Variants in ADSS1 observed in about 807,000 individuals in gnomAD.
ADSS1 encodes adenylosuccinate synthetase isozyme 1.
In ADSS1, 57 loss-of-function variants were observed where a neutral mutation model predicts 59.1. The ratio of observed to expected loss-of-function variants is 0.97; its 90% confidence interval spans 0.78 to 1.20. The LOEUF (loss-of-function observed/expected upper bound fraction) is 1.20, where lower values mean the gene tolerates loss of function less well. ADSS1 is among the 50% of genes most tolerant of loss of function. The pLI is 0.00. For synonymous variants in ADSS1, 247 were observed against 249.4 expected (o/e 0.99, Z 0.09); for missense variants, 603 against 610.3 (o/e 0.99, Z 0.13).
intron 10 of ADSS1, 155 bp downstream of exon 10, chr14:104,743,346 GT>G (rs1891442934): frequency 1.7e-6 from 2 of 1,169,220 alleles, no homozygotes; most frequent in African/African-American, 3.1e-5. Flanking sequence ...CGGCCCAGAG[GT>G]TAGCGGTATG....
At chr14:104,741,364 T>C in intron 8 of ADSS1, 121 bp downstream of exon 8, 1 of 1,287,016 alleles carries the variant, frequency 7.8e-7, no homozygotes, top group East Asian at 2.5e-5. Context: ...AAGGCCACAG[T>C]GCCATCCATG....
At chr14:104,746,085 A>AC (rs1891544570) in intron 11 of ADSS1, 151 bp from the exon 12 acceptor site, 2 of 979,718 alleles carry the variant, frequency 2.0e-6, no homozygotes, top group African/African-American at 1.6e-5. Context: ...TGAGAAAATC[A>AC]AACTGGGCCA....
chr14:104,735,787 C>T (rs766887178), intron 2 of ADSS1, among the ~76,000 whole-genome samples: 5 of 152,234 alleles, frequency 3.3e-5, no homozygotes, highest in East Asian at 1.9e-4. Flanking sequence ...GTGGCTCTTT[C>T]CCTCCTTCTC....
In ADSS1 at chr14:104,743,126, G is replaced by A; in HGVS notation, c.1008G>A (p.Lys336=). Residue 336 remains lysine (K), a synonymous_variant, in exon 10 of 13, where the codon AAG becomes AAA. Coordinates refer to ENST00000330877, the MANE Select transcript of ADSS1 (RefSeq NM_152328.5). The stretch of plus-strand genomic sequence containing the variant: ...AGTGGGGAGTGACCACAGGCAGGAA[G>A]AGGCGCTGCGGCTGGCTCGACCTGA... ...GHEWGVTTGR[K]RRCGWLDLMI... The A allele has an allele frequency of 6.2e-7, 1 of 1,613,078 alleles. No individual in the cohort carries two copies. Among genetic ancestry groups the A allele is most frequent in the South Asian group, 1.1e-5 (1 of 91,088 alleles).
chr14:104,741,810 G>T (rs779066229), intron 8 of ADSS1, 38 bp from the exon 9 acceptor site: 16 of 1,609,022 alleles, frequency 9.9e-6, no homozygotes, highest in Admixed American at 3.3e-5. Flanking sequence ...ATCTACAGGG[G>T]GTGACAGGTA....
At chr14:104,736,955 C>T (rs1891159411) in intron 2 of ADSS1, among the ~76,000 whole-genome samples, 1 of 147,188 alleles carries the variant, frequency 6.8e-6, no homozygotes, top group Admixed American at 6.8e-5. Flanking sequence ...CTGTGTTACC[C>T]AGGCTGGCCT....
rs562340363 is a variant in ADSS1, at chr14:104,740,309, T to C, written c.477-292T>C. The stretch of plus-strand genomic sequence containing the variant: ...ACGCCCACGCATGCTCGCACAGTTA[T>C]GCACATGTGCACACGCCACACAAGC... On this transcript the variant is annotated intron_variant, in intron 5 of 12. Transcript: ENST00000330877. This position sits in a 1 kb window ranked among gnomAD's most constrained non-coding sequence, Gnocchi z 4.8. Among the ~76,000 whole-genome samples, 1 of 152,044 alleles carries C rather than the reference T, an allele frequency of 6.6e-6. No individual in the cohort carries two copies. Among genetic ancestry groups the C allele is most frequent in the African/African-American group, 2.4e-5 (1 of 41,456 alleles).
At position 104,724,420 on chromosome 14, in the gene ADSS1, G is replaced by A. The variant is rs543561314; in HGVS notation, c.150G>A (p.Val50=). The A allele has an allele frequency of 7.1e-6, 9 of 1,264,178 alleles. No homozygotes were observed. In the South Asian group the frequency reaches 2.7e-4, roughly 38 times the overall value. The allele number at this position is 1,264,178 out of a possible 1,614,324, so 78.3% of individuals were successfully genotyped here. ...GGGACGAGGGCAAAGGCAAGGTGGT[G>A]GACCTGCTGGCCACGGACGCCGACA... is the stretch of plus-strand genomic sequence containing the variant. ...QWGDEGKGKV[V]DLLATDADII... Residue 50 remains valine, a synonymous_variant, in exon 1 of 13, where the codon GTG becomes GTA. Coordinates refer to ENST00000330877, the MANE Select transcript of ADSS1 (RefSeq NM_152328.5).
At chr14:104,732,454 G>A (rs1323396490) in intron 1 of ADSS1, among the ~76,000 whole-genome samples, 2 of 152,216 alleles carry the variant, frequency 1.3e-5, no homozygotes, top group African/African-American at 4.8e-5. Context: ...AGAACTGGGA[G>A]CCCCTGCGGA....
At chr14:104,744,009 A>T (rs1891468168) in intron 10 of ADSS1, among the ~76,000 whole-genome samples, 1 of 149,030 alleles carries the variant, frequency 6.7e-6, no homozygotes, top group Non-Finnish European at 1.5e-5. Context: ...GGGAGGAAAA[A>T]CAGAGCCCAT....
intron 1 of ADSS1, among the ~76,000 whole-genome samples, chr14:104,727,051 A>G (rs1051580082): frequency 2.0e-5 from 3 of 152,134 alleles, no homozygotes; most frequent in African/African-American, 7.2e-5. Flanking sequence ...GGCCCCTGGC[A>G]CTTGGCAAGA....
chr14:104,744,143 CAG>C (rs1056300286), intron 10 of ADSS1, among the ~76,000 whole-genome samples: 2 of 152,090 alleles, frequency 1.3e-5, no homozygotes, highest in Admixed American at 6.6e-5. Flanking sequence ...GGGCTGGACA[CAG>C]GGCAGTGCTG....
chr14:104,729,868 T>A, intron 1 of ADSS1: 1 of 1,426,972 alleles, frequency 7.0e-7, no homozygotes, highest in East Asian at 2.6e-5. Flanking sequence ...GGCGTCGGCG[T>A]CGTGGGGAGG....
chr14:104,734,472 A>AT, intron 1 of ADSS1, among the ~76,000 whole-genome samples: 1 of 152,316 alleles, frequency 6.6e-6, no homozygotes, highest in South Asian at 2.1e-4. Flanking sequence ...GAGCCTGCAC[A>AT]TGCTAGTCCC....
Position 104,746,360 on chromosome 14 carries a change from T to A in ADSS1, c.1296T>A (p.Phe432Leu), listed in dbSNP as rs1891557219. 1 of 1,613,178 alleles carries A rather than the reference T, an allele frequency of 6.2e-7. No homozygotes were observed. Among genetic ancestry groups the A allele is most frequent in the Non-Finnish European group, 8.5e-7 (1 of 1,179,526 alleles). The change falls in exon 12 of 13, where the codon TTT (phenylalanine) becomes TTA (leucine). Residue 432 changes from phenylalanine (F) to leucine (L), a missense_variant. Transcript: ENST00000330877. ...CACAGGCCCAGAACTACATCCGCTT[T>A]GTGGAGAATCACGTGGGAGTCGCAG... ...LPPQAQNYIRFVENHVGVAVK... is the reference protein window; with the variant it reads ...LPPQAQNYIRLVENHVGVAVK...
rs57122419 is a variant in ADSS1, at chr14:104,736,881, G to GATATATATATATATATATATAT, written c.296-1484_296-1463dup. ...CAGGCTTATGCCACCGCACCTAGCT[G>GATATATATATATATATATATAT]ATATATATATATATATATATATATA... is the stretch of plus-strand genomic sequence containing the variant. On this transcript the variant is annotated intron_variant, in intron 2 of 12. Coordinates refer to ENST00000330877, the MANE Select transcript of ADSS1 (RefSeq NM_152328.5). 3.1e-4 allele frequency among the ~76,000 whole-genome samples: 33 copies of GATATATATATATATATATATAT among 106,588 alleles called. 1 individual carries two copies. The highest frequency in any genetic ancestry group is 8.2e-4 in the African/African-American group (23 of 28,136). The allele number at this position is 106,588 out of a possible 152,430, so 69.9% of individuals were successfully genotyped here. A position where few individuals can be genotyped will look rare whatever the true frequency, so the allele number is the denominator to read the frequency against.
chr14:104,746,463 G>A, intron 12 of ADSS1, 78 bp downstream of exon 12: 1 of 1,512,758 alleles, frequency 6.6e-7, no homozygotes, highest in Non-Finnish European at 8.9e-7. Flanking sequence ...GCAGGGCTTG[G>A]TGAGCAATAA....
intron 12 of ADSS1, 72 bp from the exon 13 acceptor site, chr14:104,746,879 G>T: frequency 6.7e-7 from 1 of 1,493,094 alleles, no homozygotes; most frequent in South Asian, 1.1e-5. Context: ...AGAAAGATAC[G>T]ACACTAAAGA....
rs185151048 is a variant in ADSS1, at chr14:104,739,684, A to G, written c.410-66A>G. Reference sequence around the variant, plus strand: ...CTCAGGCCAGCAGGAGGTGAGGTCCATGTATACACATCTGTCCTCTGCTTC... The same window carrying G: ...CTCAGGCCAGCAGGAGGTGAGGTCCGTGTATACACATCTGTCCTCTGCTTC... On this transcript the variant is annotated intron_variant, in intron 4 of 12. Transcript: ENST00000330877. 76 of 1,554,036 alleles carry G rather than the reference A, an allele frequency of 4.9e-5. No individual in the cohort carries two copies. The African/African-American group carries it at 6.1e-4, about 12-fold the overall frequency.
Sources: allele counts gnomAD v4.1 joint callset (sites outside exome capture counted in the v4.1 genomes callset), GRCh38; gene constraint gnomAD v4.1.1; non-coding constraint Gnocchi (gnomAD v3.1); transcripts MANE v1.5; gene names NCBI Gene and HGNC (gene_info 2026-07-23, HGNC 2026-07-21).